WWOX: variants seen among roughly 807,000 people sequenced by gnomAD.
WWOX encodes WW domain containing oxidoreductase.
A neutral mutation model predicts 46.2 loss-of-function variants in WWOX; 69 were observed. The ratio of observed to expected loss-of-function variants is 1.49; its 90% CI spans 1.23 to 1.82. WWOX has a LOEUF of 1.82. Ranked by LOEUF, WWOX falls within the 40% of genes most tolerant of loss-of-function variation. WWOX has a pLI of 0.00. For synonymous variants in WWOX, 359 were observed against 202.6 expected (o/e 1.77, Z -6.56); for missense variants, 919 against 542.6 (o/e 1.69, Z -6.89).
intron 8 of WWOX, among the ~76,000 whole-genome samples, chr16:78,902,111 C>A (rs111971548): frequency 1.5e-4 from 23 of 152,188 alleles, no homozygotes; most frequent in Admixed American, 1.5e-3. Flanking sequence ...AGCTGGCAGA[C>A]AGCATCTACA....
At chr16:79,124,611 T>C (rs937931985) in intron 8 of WWOX, among the ~76,000 whole-genome samples, 3 of 152,176 alleles carry the variant, frequency 2.0e-5, no homozygotes, top group African/African-American at 7.2e-5. Flanking sequence ...CCTTTATTTT[T>C]AAGCGAGACT....
intron 8 of WWOX, among the ~76,000 whole-genome samples, chr16:79,043,707 G>A (rs2048014383): frequency 6.6e-6 from 1 of 152,198 alleles, no homozygotes; most frequent in South Asian, 2.1e-4. Flanking sequence ...ACTGGGCAGA[G>A]GAAGATTCAT....
intron 8 of WWOX, among the ~76,000 whole-genome samples, chr16:78,462,781 T>G (rs1031839499): frequency 6.6e-6 from 1 of 152,208 alleles, no homozygotes; most frequent in African/African-American, 2.4e-5. Flanking sequence ...CCTGGACTAG[T>G]TACGCTTCCC....
At chr16:78,619,503 A>G (rs988173940) in intron 8 of WWOX, among the ~76,000 whole-genome samples, 1 of 151,620 alleles carries the variant, frequency 6.6e-6, no homozygotes, top group African/African-American at 2.4e-5. Flanking sequence ...GACCCTGCCA[A>G]CCTCCTCCTA....
chr16:78,978,773 C>T (rs1016267642), intron 8 of WWOX, among the ~76,000 whole-genome samples: 1 of 152,136 alleles, frequency 6.6e-6, no homozygotes, highest in Non-Finnish European at 1.5e-5. Flanking sequence ...TGGGACAACA[C>T]CAAGGAGATA....
At chr16:78,424,040 C>T (rs1336424094) in intron 6 of WWOX, among the ~76,000 whole-genome samples, 5 of 151,560 alleles carry the variant, frequency 3.3e-5, no homozygotes, top group East Asian at 3.9e-4. Flanking sequence ...TAACAGCTAG[C>T]AAGTGCTGGG....
chr16:78,618,328 A>C (rs1016972797), intron 8 of WWOX, among the ~76,000 whole-genome samples: 5 of 152,202 alleles, frequency 3.3e-5, no homozygotes, highest in Non-Finnish European at 7.3e-5. Context: ...AACAACAGGA[A>C]TGTAGTTCCT....
intron 5 of WWOX, among the ~76,000 whole-genome samples, chr16:78,336,309 C>T (rs1039932081): frequency 6.9e-5 from 9 of 130,630 alleles, no homozygotes; most frequent in Admixed American, 1.7e-4. Flanking sequence ...CCCATCCCTA[C>T]TAAAAATACA....
At chr16:78,626,161 G>A (rs992145668) in intron 8 of WWOX, among the ~76,000 whole-genome samples, 1 of 151,276 alleles carries the variant, frequency 6.6e-6, no homozygotes. Context: ...GATGGAGTCT[G>A]GCTCTTTTGC....
intron 8 of WWOX, among the ~76,000 whole-genome samples, chr16:78,619,601 T>A (rs1156891824): frequency 6.6e-6 from 1 of 151,706 alleles, no homozygotes; most frequent in South Asian, 2.1e-4. Flanking sequence ...GAGGCAATAG[T>A]GATAGTAAAA....
chr16:78,310,299 T>C (rs2080214867), intron 5 of WWOX, among the ~76,000 whole-genome samples: 1 of 152,230 alleles, frequency 6.6e-6, no homozygotes, highest in East Asian at 1.9e-4. Flanking sequence ...GCTTCTGGGC[T>C]TTGTCTCACA....
intron 8 of WWOX, among the ~76,000 whole-genome samples, chr16:79,112,661 G>C (rs1301041595): frequency 6.6e-6 from 1 of 152,184 alleles, no homozygotes; most frequent in Non-Finnish European, 1.5e-5. Flanking sequence ...TCGCATGAAT[G>C]TTTGCACATC....
At chr16:78,979,259 T>C (rs1310947152) in intron 8 of WWOX, among the ~76,000 whole-genome samples, 1 of 152,128 alleles carries the variant, frequency 6.6e-6, no homozygotes, top group African/African-American at 2.4e-5. Flanking sequence ...CCATCCCCAT[T>C]CCCACCTCCC....
chr16:79,148,177 AT>A (rs1311397015), intron 8 of WWOX, among the ~76,000 whole-genome samples: 2 of 151,940 alleles, frequency 1.3e-5, no homozygotes, highest in African/African-American at 4.8e-5. Flanking sequence ...AATTTCTAAT[AT>A]TTTTTTCCTA....
intron 5 of WWOX, among the ~76,000 whole-genome samples, chr16:78,246,231 A>T (rs1272919704): frequency 6.6e-6 from 1 of 152,214 alleles, no homozygotes; most frequent in African/African-American, 2.4e-5. Context: ...ACATGGAATT[A>T]AATACAACCT....
chr16:79,026,862 C>G (rs1251061061), intron 8 of WWOX, among the ~76,000 whole-genome samples: 1 of 150,556 alleles, frequency 6.6e-6, no homozygotes, highest in Non-Finnish European at 1.5e-5. Context: ...ATCTCCTGAC[C>G]TTGTGATCTG....
chr16:78,261,990 A>C (rs1270451878), intron 5 of WWOX, among the ~76,000 whole-genome samples: 1 of 150,732 alleles, frequency 6.6e-6, no homozygotes, highest in African/African-American at 2.4e-5. Flanking sequence ...GGCTTTAAGA[A>C]AGCAAGAAAG....
intron 8 of WWOX, among the ~76,000 whole-genome samples, chr16:78,520,815 C>T (rs1334960404): frequency 1.3e-5 from 2 of 152,274 alleles, no homozygotes; most frequent in Admixed American, 6.5e-5. Context: ...TGTTCGTGGC[C>T]TCTGGAAGTC....
intron 8 of WWOX, among the ~76,000 whole-genome samples, chr16:78,708,306 C>T (rs1334640514): frequency 1.3e-5 from 2 of 152,114 alleles, no homozygotes; most frequent in Non-Finnish European, 2.9e-5. Context: ...TAAAAATTTT[C>T]TTTGGGATAT....
Sources: gnomAD v4.1 joint callset for allele counts (sites outside exome capture counted in the v4.1 genomes callset) on GRCh38, gnomAD v4.1.1 for gene constraint, MANE v1.5 for transcripts, NCBI Gene and HGNC (gene_info 2026-07-23, HGNC 2026-07-21) for gene names.